The following ARHGEF4 variants were observed in gnomAD, a reference collection of about 807,000 sequenced individuals.
ARHGEF4 encodes the protein APC-stimulated guanine nucleotide exchange factor 1.
In ARHGEF4, 119 loss-of-function variants were observed where a neutral mutation model predicts 162.0. That is an observed-to-expected ratio of 0.73 (90% CI 0.63 to 0.86). The LOEUF is 0.86. Ranked by LOEUF, ARHGEF4 falls within the 40% of genes least tolerant of loss-of-function variation. The pLI, the probability that ARHGEF4 is intolerant of heterozygous loss-of-function variation, is 0.00. For missense variants in ARHGEF4, 2,488 were observed against 2,456.0 expected (o/e 1.01, Z -0.28); for synonymous variants, 1,014 against 979.9 (o/e 1.03, Z -0.65).
rs764344967 is a variant in ARHGEF4 at position 130,916,609 on chromosome 2, C to T, written c.2663C>T (p.Pro888Leu). Residue 888 changes from proline to leucine, a missense_variant, in exon 2 of 14, where the codon CCT becomes CTT. Coordinates refer to ENST00000409359, the MANE Select transcript of ARHGEF4 (RefSeq NM_001367493.1). ...GTSGDLGSRG[P>L]SSESCNAKRL... is the part of the protein sequence containing the mutation. ...TCAGGGGATCTTGGTAGCCGAGGGC[C>T]TTCCTCTGAGAGCTGCAACGCAAAG... 4 of 1,550,572 alleles carry T rather than the reference C, an allele frequency of 2.6e-6. No homozygotes were observed. The South Asian group carries it at 3.6e-5, about 14-fold the overall frequency.
intron 2 of ARHGEF4, among the ~76,000 whole-genome samples, chr2:130,921,723 C>G (rs191541815): frequency 6.6e-6 from 1 of 152,024 alleles, no homozygotes; most frequent in Admixed American, 6.6e-5. Flanking sequence ...ACCAAGTCCC[C>G]CTCTGTCACC....
chr2:130,917,564 G>C, intron 2 of ARHGEF4, 66 bp downstream of exon 2: 10 of 1,473,906 alleles, frequency 6.8e-6, no homozygotes, highest in Non-Finnish European at 9.0e-6. Context: ...GGGAGCAGGC[G>C]GGAATCTTCC....
chr2:130,892,248 A>T (rs1679898966), intron 1 of ARHGEF4, among the ~76,000 whole-genome samples: 1 of 152,204 alleles, frequency 6.6e-6, no homozygotes. Flanking sequence ...GCTCTGACAG[A>T]GCACAAAGAG....
Position 130,988,897 on chromosome 2 carries a change from TATATAG to T in ARHGEF4, c.3986-39046_3986-39041del, listed in dbSNP as rs1265552504. Reference sequence around the variant, plus strand: ...GTATATATATATATATATATATATATATATAGAGAGAGAGAGAGAGAGAGAGAGAGA... The same window carrying T: ...GTATATATATATATATATATATATATAGAGAGAGAGAGAGAGAGAGAGAGA... On this transcript the variant is annotated intron_variant, in intron 4 of 13. Transcript: ENST00000409359. 7.6e-3 allele frequency among the ~76,000 whole-genome samples: 849 copies of T among 111,252 alleles called. 5 individuals are homozygous for T. Among genetic ancestry groups the T allele is most frequent in the African/African-American group, 9.3e-3 (268 of 28,742 alleles). 73.0% of individuals were successfully genotyped at this position (111,252 alleles called of 152,430 possible).
At chr2:130,874,243 A>G (rs1324372752) in intron 1 of ARHGEF4, among the ~76,000 whole-genome samples, 1 of 152,138 alleles carries the variant, frequency 6.6e-6, no homozygotes, top group Non-Finnish European at 1.5e-5. Flanking sequence ...TCAGTAGACA[A>G]ACTACAAGGC....
At chr2:130,876,474 C>T (rs1006383252) in intron 1 of ARHGEF4, among the ~76,000 whole-genome samples, 2 of 152,168 alleles carry the variant, frequency 1.3e-5, no homozygotes, top group African/African-American at 2.4e-5. Flanking sequence ...TCACTGCAAG[C>T]TCCGCCTCCT....
intron 5 of ARHGEF4, among the ~76,000 whole-genome samples, chr2:131,028,911 A>C (rs747487991): frequency 1.3e-5 from 2 of 152,212 alleles, no homozygotes; most frequent in African/African-American, 4.8e-5. Flanking sequence ...GAAGAGATCA[A>C]TTTTGGAAGA....
At position 130,870,163 on chromosome 2, in the gene ARHGEF4, T is replaced by C. The variant is rs368985622; in HGVS notation, c.39+33171T>C. Among the ~76,000 whole-genome samples, 34 of 152,290 alleles carry C rather than the reference T, an allele frequency of 2.2e-4. No homozygotes were observed. The South Asian group carries it at 7.0e-3, about 32-fold the overall frequency. Reference sequence around the variant, plus strand: ...GCTGGAGGGTGGGAGGCCTGCCCACTGTTTCTTCCATGGGTATTGTTGCTT... The same window carrying C: ...GCTGGAGGGTGGGAGGCCTGCCCACCGTTTCTTCCATGGGTATTGTTGCTT... On this transcript the variant is annotated intron_variant, in intron 1 of 13. Transcript: ENST00000409359.
At chr2:130,967,513 T>C (rs374227209) in intron 4 of ARHGEF4, among the ~76,000 whole-genome samples, 44 of 152,282 alleles carry the variant, frequency 2.9e-4, no homozygotes, top group Admixed American at 8.5e-4. Context: ...CCATGGTCAG[T>C]GTCATGGGAT....
intron 4 of ARHGEF4, among the ~76,000 whole-genome samples, chr2:130,993,512 A>G (rs540612227): frequency 1.2e-4 from 19 of 152,154 alleles, no homozygotes; most frequent in Admixed American, 4.6e-4. Flanking sequence ...TGCTTGTTTT[A>G]TCAGTTGCTA....
At chr2:130,926,054 CTT>C (rs1212104854) in intron 2 of ARHGEF4, among the ~76,000 whole-genome samples, 10 of 116,702 alleles carry the variant, frequency 8.6e-5, no homozygotes, top group African/African-American at 2.7e-4. Flanking sequence ...CTTTCTCTTT[CTT>C]TCTTTCTTTC....
intron 2 of ARHGEF4, among the ~76,000 whole-genome samples, chr2:130,923,983 C>G (rs1301961190): frequency 6.6e-6 from 1 of 150,426 alleles, no homozygotes; most frequent in Non-Finnish European, 1.5e-5. Flanking sequence ...CGGGTTCATG[C>G]CATTCTCCTG....
intron 11 of ARHGEF4, chr2:131,043,809 TG>T (rs1297401417): frequency 1.2e-5 from 7 of 577,350 alleles, no homozygotes; most frequent in Non-Finnish European, 1.8e-5. Flanking sequence ...GTTGAGAGCA[TG>T]ATCTTTCCTG....
intron 1 of ARHGEF4, among the ~76,000 whole-genome samples, chr2:130,883,428 AT>A (rs957447753): frequency 6.6e-5 from 10 of 152,036 alleles, no homozygotes; most frequent in African/African-American, 2.4e-4. Flanking sequence ...TAAGCTCAGA[AT>A]TTTTTTCAGA....
chr2:130,984,430 C>A (rs1271475387), intron 4 of ARHGEF4, among the ~76,000 whole-genome samples: 1 of 152,208 alleles, frequency 6.6e-6, no homozygotes, highest in East Asian at 1.9e-4. Context: ...GTGGCTCACA[C>A]CTGTAATCCC....
At chr2:130,865,286 G>A (rs1264629853) in intron 1 of ARHGEF4, among the ~76,000 whole-genome samples, 1 of 152,232 alleles carries the variant, frequency 6.6e-6, no homozygotes, top group Admixed American at 6.5e-5. Context: ...TTTACCAAGT[G>A]CTCCCCTTTA....
At chr2:130,991,977 TG>T (rs1258439385) in intron 4 of ARHGEF4, among the ~76,000 whole-genome samples, 1 of 152,204 alleles carries the variant, frequency 6.6e-6, no homozygotes, top group East Asian at 1.9e-4. Context: ...ATCAGCACTC[TG>T]TATCTAGCTC....
At chr2:131,011,972 G>C (rs1302599465) in intron 4 of ARHGEF4, 1 of 695,178 alleles carries the variant, frequency 1.4e-6, no homozygotes, top group African/African-American at 1.7e-5. Context: ...AGGGCTAGCT[G>C]ATGGACTTGA....
At chr2:130,949,663 T>C (rs968041707) in intron 4 of ARHGEF4, among the ~76,000 whole-genome samples, 60 of 151,740 alleles carry the variant, frequency 4.0e-4, no homozygotes, top group Admixed American at 3.6e-3. Flanking sequence ...CTGTTTGTTT[T>C]TCGATGGGGT....
Sources: allele counts gnomAD v4.1 joint callset (sites outside exome capture counted in the v4.1 genomes callset), GRCh38; gene constraint gnomAD v4.1.1; transcripts MANE v1.5; gene names NCBI Gene and HGNC (gene_info 2026-07-23, HGNC 2026-07-21).